The following ITGB6 variants were observed in gnomAD, a reference collection of about 807,000 sequenced individuals.
ITGB6 encodes the protein integrin beta-6.
In ITGB6, 80 loss-of-function variants were observed where a neutral mutation model predicts 84.5. The observed-to-expected ratio is 0.95, with a 90% CI of 0.79 to 1.14. ITGB6 has a LOEUF of 1.14. ITGB6 is among the 50% of genes most tolerant of loss of function. The pLI is 0.00. For missense variants in ITGB6, 1,006 were observed against 968.0 expected (o/e 1.04, Z -0.52); for synonymous variants, 383 against 354.9 (o/e 1.08, Z -0.89).
chr2:160,121,343 C>T (rs1252850641), intron 12 of ITGB6, among the ~76,000 whole-genome samples: 1 of 152,150 alleles, frequency 6.6e-6, no homozygotes, highest in Non-Finnish European at 1.5e-5. Context: ...AGAAGTCCTG[C>T]AAAGAAAACA....
chr2:160,193,615 A>G (rs574521205), intron 4 of ITGB6, among the ~76,000 whole-genome samples: 2 of 152,366 alleles, frequency 1.3e-5, no homozygotes, highest in East Asian at 3.9e-4. Context: ...CATGTCAACT[A>G]TACATTAAAA....
chr2:160,106,158 C>T (rs1696899937), intron 14 of ITGB6, among the ~76,000 whole-genome samples: 1 of 152,182 alleles, frequency 6.6e-6, no homozygotes, highest in Non-Finnish European at 1.5e-5. Flanking sequence ...CATTATCATA[C>T]CTAATCAAAT....
chr2:160,167,686 T>C (rs1366068483), intron 7 of ITGB6, among the ~76,000 whole-genome samples: 1 of 152,234 alleles, frequency 6.6e-6, no homozygotes, highest in Non-Finnish European at 1.5e-5. Flanking sequence ...CGACAGGCTC[T>C]GTTTTGCCAT....
chr2:160,172,044 AT>A (rs1183546216), intron 6 of ITGB6, among the ~76,000 whole-genome samples: 1 of 152,100 alleles, frequency 6.6e-6, no homozygotes, highest in Admixed American at 6.5e-5. Flanking sequence ...GAGCTCTGAA[AT>A]TTTTTCCTGG....
intron 7 of ITGB6, among the ~76,000 whole-genome samples, chr2:160,158,828 C>T (rs527730287): frequency 3.3e-5 from 5 of 152,232 alleles, no homozygotes; most frequent in African/African-American, 9.6e-5. Context: ...TGGCTGGGCA[C>T]GGTGGCTCAT....
At chr2:160,174,262 C>A in intron 4 of ITGB6, 123 bp from the exon 5 acceptor site, 1 of 689,364 alleles carries the variant, frequency 1.5e-6, no homozygotes, top group Non-Finnish European at 2.4e-6. Flanking sequence ...CCTGACTCTG[C>A]AACTCAGCTA....
In ITGB6 at chr2:160,138,084, T is replaced by C. The variant is rs1683834597; in HGVS notation, c.1223A>G (p.His408Arg). The stretch of plus-strand genomic sequence containing the variant: ...ACTTACTGTGTCTCCCACTTTCATG[T>C]GAGAGCATTTCTTTTGGTGTTGGAA... ...TLFQHQKKCS[H>R]MKVGDTASFS... Residue 408 changes from histidine to arginine, a missense_variant, in exon 9 of 15, where the codon CAC becomes CGC. His to Arg is a conservative substitution (Grantham distance 29). Coordinates refer to ENST00000283249, the MANE Select transcript of ITGB6 (RefSeq NM_000888.5). 3.7e-6 allele frequency: 6 copies of C among 1,613,090 alleles called. No homozygotes were observed. In the Admixed American group the frequency reaches 6.7e-5, roughly 18 times the overall value.
Position 160,107,738 on chromosome 2 carries a change from G to T in ITGB6, c.2209C>A (p.His737Asn). Residue 737 changes from histidine (H) to asparagine (N), a missense_variant, in exon 14 of 15, where the codon CAT becomes AAT. By Grantham distance (68) the His-to-Asn change is moderately conservative. Transcript: ENST00000283249. ...AATTTGGCAACTTCTTTACGATCAT[G>T]AAATGACACCAGTAGCTTCCAGATG... is the stretch of plus-strand genomic sequence containing the variant. ...LCIWKLLVSF[H>N]DRKEVAKFEA... 6.2e-7 allele frequency: 1 copy of T among 1,614,104 alleles called. No individual in the cohort carries two copies. The highest frequency in any genetic ancestry group is 8.5e-7 in the Non-Finnish European group (1 of 1,179,966).
At chr2:160,192,058 A>G (rs1365017443) in intron 4 of ITGB6, among the ~76,000 whole-genome samples, 1 of 152,166 alleles carries the variant, frequency 6.6e-6, no homozygotes, top group Non-Finnish European at 1.5e-5. Context: ...TATCCCCACA[A>G]ATTGATCTAT....
chr2:160,158,417 A>C (rs1233887215), intron 7 of ITGB6, among the ~76,000 whole-genome samples: 1 of 152,226 alleles, frequency 6.6e-6, no homozygotes, highest in Non-Finnish European at 1.5e-5. Context: ...AAACAAATGC[A>C]CAGAGAGGCA....
At chr2:160,180,758 A>C (rs530867582) in intron 4 of ITGB6, among the ~76,000 whole-genome samples, 8 of 152,336 alleles carry the variant, frequency 5.3e-5, no homozygotes, top group Admixed American at 5.2e-4. Context: ...CGCAGAAGGC[A>C]GGTGATTTCT....
At chr2:160,143,272 G>A (rs1684068423) in intron 7 of ITGB6, among the ~76,000 whole-genome samples, 1 of 152,092 alleles carries the variant, frequency 6.6e-6, no homozygotes, top group South Asian at 2.1e-4. Flanking sequence ...GTGACAAAGT[G>A]AGACCCTGTC....
intron 2 of ITGB6, 59 bp from the exon 3 acceptor site, chr2:160,196,479 T>G: frequency 2.1e-6 from 3 of 1,434,094 alleles, no homozygotes; most frequent in Non-Finnish European, 2.9e-6. Flanking sequence ...AATTTCTTTA[T>G]AAGATACCAG....
chr2:160,151,222 G>C (rs376985717), intron 7 of ITGB6, among the ~76,000 whole-genome samples: 1 of 152,216 alleles, frequency 6.6e-6, no homozygotes, highest in African/African-American at 2.4e-5. Flanking sequence ...AAATGTAAAA[G>C]AACAGAAATC....
intron 1 of ITGB6, among the ~76,000 whole-genome samples, chr2:160,199,779 A>G: frequency 6.6e-6 from 1 of 152,216 alleles, no homozygotes; most frequent in South Asian, 2.1e-4. Flanking sequence ...AATTCTCCTC[A>G]TTAAAATGCC....
chr2:160,146,040 T>G (rs1290049464), intron 7 of ITGB6, among the ~76,000 whole-genome samples: 1 of 152,132 alleles, frequency 6.6e-6, no homozygotes, highest in African/African-American at 2.4e-5. Flanking sequence ...ATTTCTACTA[T>G]AGTCTCAGAG....
chr2:160,152,167 T>C (rs1684449613), intron 7 of ITGB6, among the ~76,000 whole-genome samples: 1 of 152,090 alleles, frequency 6.6e-6, no homozygotes, highest in Non-Finnish European at 1.5e-5. Context: ...TAGACCAATA[T>C]CTCTGATGAT....
chr2:160,197,023 C>G (rs968690957), intron 2 of ITGB6, among the ~76,000 whole-genome samples: 1 of 152,134 alleles, frequency 6.6e-6, no homozygotes, highest in African/African-American at 2.4e-5. Context: ...TATATTGCAG[C>G]ATTACTTCAC....
intron 10 of ITGB6, among the ~76,000 whole-genome samples, chr2:160,130,422 T>C (rs1292805974): frequency 6.6e-6 from 1 of 152,114 alleles, no homozygotes; most frequent in Non-Finnish European, 1.5e-5. Flanking sequence ...GATAAACTCA[T>C]TGTAAAATGT....
Sources: allele counts gnomAD v4.1 joint callset (sites outside exome capture counted in the v4.1 genomes callset), GRCh38; gene constraint gnomAD v4.1.1; transcripts MANE v1.5; gene names NCBI Gene and HGNC (gene_info 2026-07-23, HGNC 2026-07-21).